ATCAY: variants seen among roughly 807,000 people sequenced by gnomAD.
ATCAY encodes ATCAY kinesin light chain interacting caytaxin.
In ATCAY, 22 loss-of-function variants were observed where a neutral mutation model predicts 47.7. The ratio of observed to expected loss-of-function variants is 0.46; its 90% CI spans 0.33 to 0.66. The LOEUF (loss-of-function observed/expected upper bound fraction) is 0.66. ATCAY is among the 30% of genes least tolerant of loss of function. The pLI, the probability that ATCAY is intolerant of heterozygous loss-of-function variation, is 0.02. For missense variants in ATCAY, 452 were observed against 515.0 expected, an observed-to-expected ratio of 0.88 and a Z score of 1.18; for synonymous variants, 216 against 207.6, an observed-to-expected ratio of 1.04 and a Z score of -0.35.
chr19:3,914,922 G>A (rs2038954047), intron 9 of ATCAY, among the ~76,000 whole-genome samples: 1 of 151,972 alleles, frequency 6.6e-6, no homozygotes, highest in African/African-American at 2.4e-5. Flanking sequence ...CAGCAATGAG[G>A]GGAAACGCAG....
chr19:3,903,452 G>A (rs949893165), intron 3 of ATCAY, among the ~76,000 whole-genome samples: 8 of 152,052 alleles, frequency 5.3e-5, no homozygotes, highest in African/African-American at 1.9e-4. Flanking sequence ...GTGGGGTCTG[G>A]GGAGGACCTG....
chr19:3,890,867 T>G (rs2038712228), intron 2 of ATCAY, among the ~76,000 whole-genome samples: 1 of 152,176 alleles, frequency 6.6e-6, no homozygotes. Context: ...CTGGAAGAAC[T>G]GAGTCGGCTC....
intron 2 of ATCAY, among the ~76,000 whole-genome samples, chr19:3,887,880 G>A (rs1258770975): frequency 1.3e-5 from 2 of 151,366 alleles, no homozygotes; most frequent in African/African-American, 4.8e-5. Flanking sequence ...AGGCCAAGGT[G>A]GGCAGATCAC....
intron 1 of ATCAY, among the ~76,000 whole-genome samples, chr19:3,882,835 G>C (rs1422269717): frequency 6.6e-6 from 1 of 151,752 alleles, no homozygotes; most frequent in African/African-American, 2.4e-5. Context: ...GCTTTTCGTA[G>C]AGATGGTGTC....
chr19:3,914,736 G>A (rs1186319387), intron 9 of ATCAY, among the ~76,000 whole-genome samples: 1 of 151,636 alleles, frequency 6.6e-6, no homozygotes, highest in Non-Finnish European at 1.5e-5. Flanking sequence ...CAGGAGAATC[G>A]CTTGAACCTG....
At chr19:3,920,694 G>GA (rs1269447356) in intron 11 of ATCAY, 72 bp from the exon 12 acceptor site, 107 of 1,348,418 alleles carry the variant, frequency 7.9e-5, no homozygotes, top group East Asian at 1.6e-4. Context: ...ATAAGTTAAA[G>GA]AAAAAAAAGG....
intron 7 of ATCAY, 145 bp from the exon 8 acceptor site, chr19:3,910,658 C>A (rs1240033262): frequency 5.3e-6 from 4 of 757,204 alleles, no homozygotes; most frequent in East Asian, 5.4e-5. Flanking sequence ...TGGATGGGGG[C>A]AGGGATTTGA....
chr19:3,910,790 C>T lies in ATCAY; in HGVS notation c.780-13C>T, dbSNP rs761815055. 34 of 1,613,790 alleles carry T rather than the reference C, an allele frequency of 2.1e-5. No homozygotes were observed. The highest frequency in any genetic ancestry group is 2.7e-5 in the African/African-American group (2 of 74,938). ...CCAGGAGCCCATCTTGCTTCCTTTGCGGCCCCACACAGGTTGCGGAAAAAC... is the reference window on the plus strand; with the variant it reads ...CCAGGAGCCCATCTTGCTTCCTTTGTGGCCCCACACAGGTTGCGGAAAAAC... On this transcript the variant is annotated splice_polypyrimidine_tract_variant and intron_variant, in intron 7 of 12. Coordinates refer to ENST00000450849, the MANE Select transcript of ATCAY (RefSeq NM_033064.5).
intron 10 of ATCAY, 127 bp downstream of exon 10, chr19:3,917,904 C>A: frequency 2.1e-6 from 2 of 974,684 alleles, no homozygotes; most frequent in Non-Finnish European, 2.9e-6. Context: ...GCTCAAGACG[C>A]TGCCCTTCTG....
intron 9 of ATCAY, among the ~76,000 whole-genome samples, chr19:3,915,266 G>C (rs1388976760): frequency 6.6e-6 from 1 of 151,682 alleles, no homozygotes; most frequent in Non-Finnish European, 1.5e-5. Context: ...TCCGCCTCCC[G>C]GGTTCAAGCG....
intron 2 of ATCAY, among the ~76,000 whole-genome samples, chr19:3,898,646 G>A (rs1174781628): frequency 6.6e-6 from 1 of 152,104 alleles, no homozygotes; most frequent in Non-Finnish European, 1.5e-5. Context: ...TACCACATTT[G>A]TTGATCCAGT....
chr19:3,886,784 G>A (rs1035429703), intron 2 of ATCAY, among the ~76,000 whole-genome samples: 1 of 147,604 alleles, frequency 6.8e-6, no homozygotes, highest in Non-Finnish European at 1.5e-5. Flanking sequence ...CACGATCTCA[G>A]GTCACTGCAA....
At chr19:3,886,592 A>C (rs2038658638) in intron 2 of ATCAY, among the ~76,000 whole-genome samples, 1 of 143,430 alleles carries the variant, frequency 7.0e-6, no homozygotes, top group Admixed American at 7.3e-5. Context: ...CCATCTCAAA[A>C]GAAAAAAAAA....
rs1599274336 is a variant in ATCAY, at chr19:3,885,948, G to A, written c.77+104G>A. 95 of 1,177,584 alleles carry A rather than the reference G, an allele frequency of 8.1e-5. No individual in the cohort carries two copies. The East Asian group carries it at 2.4e-3, about 30-fold the overall frequency. 72.9% of individuals were successfully genotyped at this position (1,177,584 alleles called of 1,614,324 possible). On this transcript the variant is annotated intron_variant, in intron 2 of 12. Transcript: ENST00000450849. ...CTCTCTCTAAGTGGGAACCGCCCGG[G>A]GCTGGCCTGGTTCCATCTCCGCGTC...
chr19:3,898,873 G>C (rs999805340), intron 2 of ATCAY, among the ~76,000 whole-genome samples: 15 of 152,246 alleles, frequency 9.9e-5, no homozygotes, highest in African/African-American at 3.6e-4. Context: ...GTACAGACAG[G>C]GTTTCATCGT....
Position 3,920,747 on chromosome 19 carries a change from C to A in ATCAY, c.1074-19C>A. 6.3e-7 allele frequency: 1 copy of A among 1,596,846 alleles called. No individual in the cohort carries two copies. Among genetic ancestry groups the A allele is most frequent in the Non-Finnish European group, 8.5e-7 (1 of 1,169,660 alleles). On this transcript the variant is annotated intron_variant, in intron 11 of 12. Transcript: ENST00000450849. ...CAAAAATAAGCAAATAACGCCCAGTCTCCGTCTCTCCTCCACAGGTCTGCT... is the reference window on the plus strand; with the variant it reads ...CAAAAATAAGCAAATAACGCCCAGTATCCGTCTCTCCTCCACAGGTCTGCT...
At chr19:3,910,128 G>C (rs768021798) in intron 7 of ATCAY, among the ~76,000 whole-genome samples, 2 of 151,940 alleles carry the variant, frequency 1.3e-5, no homozygotes, top group Non-Finnish European at 2.9e-5. Context: ...CCCAGGCTCC[G>C]GCACCCCCCA....
intron 2 of ATCAY, among the ~76,000 whole-genome samples, chr19:3,899,610 C>T (rs1476412389): frequency 3.3e-5 from 5 of 152,066 alleles, no homozygotes; most frequent in South Asian, 4.1e-4. Flanking sequence ...CCACCACGCC[C>T]GGCCAATAAA....
At chr19:3,905,119 A>C (rs2038848849) in intron 3 of ATCAY, among the ~76,000 whole-genome samples, 1 of 152,154 alleles carries the variant, frequency 6.6e-6, no homozygotes, top group African/African-American at 2.4e-5. Flanking sequence ...TCGGCCTCCA[A>C]AGTGCTGGGA....
Sources: gnomAD v4.1 joint callset for allele counts (sites outside exome capture counted in the v4.1 genomes callset) on GRCh38, gnomAD v4.1.1 for gene constraint, MANE v1.5 for transcripts, NCBI Gene and HGNC (gene_info 2026-07-23, HGNC 2026-07-21) for gene names.